The following HPN variants were observed in gnomAD, a reference collection of about 807,000 sequenced individuals.
HPN encodes the protein hepsin.
HPN carries 13 observed loss-of-function variants against 55.9 expected under a neutral mutation model. The ratio of observed to expected loss-of-function variants is 0.23; its 90% confidence interval spans 0.15 to 0.37. HPN has a LOEUF of 0.37. HPN is among the 10% of genes least tolerant of loss of function. HPN has a pLI of 1.00. For synonymous variants in HPN, 225 were observed against 240.3 expected, an observed-to-expected ratio of 0.94 and a Z score of 0.59; for missense variants, 451 against 575.8, an observed-to-expected ratio of 0.78 and a Z score of 2.22.
intron 2 of HPN, among the ~76,000 whole-genome samples, chr19:35,046,588 G>T (rs2064344587): frequency 6.6e-6 from 1 of 152,106 alleles, no homozygotes; most frequent in Non-Finnish European, 1.5e-5. Flanking sequence ...GGCCACACCA[G>T]GAAGGTCCTA....
At chr19:35,050,614 TGC>T in intron 4 of HPN, 1 of 998,608 alleles carries the variant, frequency 1.0e-6, no homozygotes, top group Non-Finnish European at 1.3e-6. Flanking sequence ...TCTTCCCAAA[TGC>T]CAACTTCAAG....
At chr19:35,042,593 C>T (rs1328310358) in intron 2 of HPN, 71 bp downstream of exon 2, 3 of 1,339,528 alleles carry the variant, frequency 2.2e-6, no homozygotes, top group East Asian at 2.4e-5. Context: ...TTTTCTCTAC[C>T]CTCTACTCTT....
Position 35,066,366 on chromosome 19 carries a change from C to G in HPN, c.*79C>G, listed in dbSNP as rs542558224. On this transcript the variant is annotated 3_prime_UTR_variant, in exon 13 of 13. Coordinates refer to ENST00000672452, the MANE Select transcript of HPN (RefSeq NM_001384133.1). ...GATCCACGCTGGGCCTAGGATGGGA[C>G]GTTTTTCTTCTTGGGCCCGGTCCAC... is the stretch of plus-strand genomic sequence containing the variant. 427 of 1,532,688 alleles carry G rather than the reference C, an allele frequency of 2.8e-4. No individual in the cohort carries two copies. The highest frequency in any genetic ancestry group is 3.4e-4 in the Non-Finnish European group (388 of 1,136,846). 94.9% of individuals were successfully genotyped at this position (1,532,688 alleles called of 1,614,324 possible).
At chr19:35,060,104 G>A in intron 6 of HPN, 25 bp from the exon 7 acceptor site, 1 of 1,614,110 alleles carries the variant, frequency 6.2e-7, no homozygotes, top group South Asian at 1.1e-5. Context: ...CTTTCTTTCT[G>A]TGTCTCCAAT....
upstream of HPN, among the ~76,000 whole-genome samples, chr19:35,041,262 G>A (rs978266208): frequency 6.6e-6 from 1 of 152,220 alleles, no homozygotes; most frequent in Non-Finnish European, 1.5e-5. Context: ...GGCCGGGGCA[G>A]GATGAGCAGG....
chr19:35,060,607 TC>T lies in HPN; in HGVS notation c.621-18del. On this transcript the variant is annotated intron_variant, in intron 8 of 12. Coordinates refer to ENST00000672452, the MANE Select transcript of HPN (RefSeq NM_001384133.1). ...ATTGTGCCCAGGCAGGTGGCCACCC[TC>T]CACCCCTTTCCCTGGTAGGCGGAAC... 6.2e-7 allele frequency: 1 copy of T among 1,613,076 alleles called. No homozygotes were observed. The highest frequency in any genetic ancestry group is 8.5e-7 in the Non-Finnish European group (1 of 1,179,934).
At chr19:35,050,474 T>C in intron 4 of HPN, 1 of 1,286,832 alleles carries the variant, frequency 7.8e-7, no homozygotes, top group Non-Finnish European at 1.0e-6. Flanking sequence ...AGAGAGGACA[T>C]GCAGCTGGGG....
At position 35,047,989 on chromosome 19, in the gene HPN, CAAAAAAA is replaced by C; in HGVS notation, c.17-1293_17-1287del. ...TGGGCAGCACAGTGAAACCCTGTCT[CAAAAAAA>C]AAAAAAAGAAAAAGAAAGAGAGAGA... On this transcript the variant is annotated intron_variant, in intron 2 of 12. Coordinates refer to ENST00000672452, the MANE Select transcript of HPN (RefSeq NM_001384133.1). Among the ~76,000 whole-genome samples the C allele has an allele frequency of 7.9e-5, 3 of 38,060 alleles. No homozygotes were observed. In the East Asian group the frequency reaches 2.4e-3, roughly 30 times the overall value. 25.0% of individuals were successfully genotyped at this position (38,060 alleles called of 152,430 possible).
intron 2 of HPN, among the ~76,000 whole-genome samples, chr19:35,048,203 C>T (rs147434262): frequency 1.3e-5 from 2 of 152,250 alleles, no homozygotes; most frequent in Non-Finnish European, 2.9e-5. Context: ...TGCTATGTGC[C>T]AGGCACTTCC....
Position 35,066,397 on chromosome 19 carries a change from C to T in HPN, c.*110C>T. 7.0e-7 allele frequency: 1 copy of T among 1,420,344 alleles called. No homozygotes were observed. The allele number at this position is 1,420,344 out of a possible 1,614,324, so 88.0% of individuals were successfully genotyped here. A position where few individuals can be genotyped will look rare whatever the true frequency, so the allele number is the denominator to read the frequency against. On this transcript the variant is annotated 3_prime_UTR_variant, in exon 13 of 13. Transcript: ENST00000672452. The stretch of plus-strand genomic sequence containing the variant: ...TCTTCTTGGGCCCGGTCCACAGGTC[C>T]AAGGACACCCTCCCTCCAGGGTCCT...
intron 4 of HPN, among the ~76,000 whole-genome samples, chr19:35,058,642 A>G (rs2064486537): frequency 6.8e-6 from 1 of 147,674 alleles, no homozygotes; most frequent in Admixed American, 6.8e-5. Context: ...TTAATATTAT[A>G]TTATGTAATA....
chr19:35,064,561 G>A (rs990739361), intron 9 of HPN, among the ~76,000 whole-genome samples: 15 of 151,958 alleles, frequency 9.9e-5, no homozygotes, highest in Admixed American at 5.9e-4. Flanking sequence ...CCAGGAGGTC[G>A]AGGCTGCAGT....
At position 35,060,307 on chromosome 19, in the gene HPN, A is replaced by G. The variant is rs781494157; in HGVS notation, c.455-40A>G. On this transcript the variant is annotated intron_variant, in intron 7 of 12. Coordinates refer to ENST00000672452, the MANE Select transcript of HPN (RefSeq NM_001384133.1). The stretch of plus-strand genomic sequence containing the variant: ...CCTGGGCTCTGGGGACCTGGGCTCC[A>G]GTCCCCTGTCGCCGCCCCCTGCTGA... The G allele has an allele frequency of 2.5e-5, 40 of 1,606,896 alleles. 1 individual carries two copies. In the East Asian group the frequency reaches 3.4e-4, roughly 13 times the overall value.
rs749745175 is a variant in HPN at position 35,065,358 on chromosome 19, C to G, written c.907+13C>G. On this transcript the variant is annotated intron_variant, in intron 10 of 12. Transcript: ENST00000672452. Reference sequence around the variant, plus strand: ...ACGCAGTACTATGGTGAGTCCTGTCCTCTGCCTCTGATGCCACCGTTTGGG... The same window carrying G: ...ACGCAGTACTATGGTGAGTCCTGTCGTCTGCCTCTGATGCCACCGTTTGGG... 3.7e-6 allele frequency: 6 copies of G among 1,604,202 alleles called. No individual in the cohort carries two copies. The South Asian group carries it at 6.6e-5, about 18-fold the overall frequency.
At chr19:35,041,687 T>G, upstream of HPN, 5 of 148,020 alleles carry the variant, frequency 3.4e-5, no homozygotes, top group Non-Finnish European at 4.7e-5. Context: ...TCCCCGCCCC[T>G]TCACCCGCCC....
intron 9 of HPN, 58 bp from the exon 10 acceptor site, chr19:35,065,192 G>A (rs2064590034): frequency 1.6e-6 from 2 of 1,238,466 alleles, no homozygotes; most frequent in Admixed American, 3.7e-5. Flanking sequence ...GCTGGACAGA[G>A]GTTTGTACCA....
chr19:35,058,147 C>T (rs532408857), intron 4 of HPN, among the ~76,000 whole-genome samples: 9 of 151,088 alleles, frequency 6.0e-5, no homozygotes, highest in South Asian at 2.1e-4. Flanking sequence ...AGTGAGACTC[C>T]GTCTCAAAAA....
chr19:35,049,354 A>G lies in HPN; in HGVS notation c.81A>G (p.Leu27=), dbSNP rs758708233. ...KVAALTAGTL[L]LLTAIGAASW... is the part of the protein sequence containing the mutation. The stretch of plus-strand genomic sequence containing the variant: ...CAGCTCTCACTGCGGGGACCCTGCT[A>G]CTTCTGACAGCCATCGGGGCGGCAT... Residue 27 remains leucine, a synonymous_variant, in exon 3 of 13, where the codon CTA becomes CTG. Coordinates refer to ENST00000672452, the MANE Select transcript of HPN (RefSeq NM_001384133.1). 6.2e-7 allele frequency: 1 copy of G among 1,603,352 alleles called. No individual in the cohort carries two copies. Among genetic ancestry groups the G allele is most frequent in the Non-Finnish European group, 8.5e-7 (1 of 1,173,242 alleles).
At chr19:35,051,251 G>GCTACTAGCTA (rs2064402337) in intron 4 of HPN, among the ~76,000 whole-genome samples, 1 of 152,088 alleles carries the variant, frequency 6.6e-6, no homozygotes, top group Non-Finnish European at 1.5e-5. Flanking sequence ...TAGGACTACA[G>GCTACTAGCTA]GCACGTGCCA....
Sources: gnomAD v4.1 joint callset for allele counts (sites outside exome capture counted in the v4.1 genomes callset) on GRCh38, gnomAD v4.1.1 for gene constraint, MANE v1.5 for transcripts, NCBI Gene and HGNC (gene_info 2026-07-23, HGNC 2026-07-21) for gene names.